SVOP: variants seen among roughly 807,000 people sequenced by gnomAD.
SVOP encodes SV2 related protein.
SVOP carries 17 observed loss-of-function variants against 69.1 expected under a neutral mutation model. The ratio of observed to expected loss-of-function variants is 0.25; its 90% CI spans 0.17 to 0.37. The LOEUF (loss-of-function observed/expected upper bound fraction) is 0.37, where lower values mean the gene tolerates loss of function less well. Among genes scored for constraint, SVOP ranks in the 10% least tolerant of loss-of-function variants. The pLI is 1.00. For missense variants in SVOP, 435 were observed against 597.5 expected (o/e 0.73, Z 2.84); for synonymous variants, 238 against 238.6 (o/e 1.00, Z 0.02).
chr12:108,973,445 G>A (rs751697575), intron 4 of SVOP, among the ~76,000 whole-genome samples: 6 of 152,188 alleles, frequency 3.9e-5, no homozygotes, highest in Non-Finnish European at 8.8e-5. Flanking sequence ...AGGCTGGAGT[G>A]CAGTGGTATG....
intron 14 of SVOP, among the ~76,000 whole-genome samples, chr12:108,917,154 A>G (rs1171992597): frequency 6.6e-6 from 1 of 152,242 alleles, no homozygotes; most frequent in Non-Finnish European, 1.5e-5. Flanking sequence ...CTCAGTGTAG[A>G]AAGCTTGCAA....
At chr12:108,989,860 T>C (rs2040189747) in intron 1 of SVOP, among the ~76,000 whole-genome samples, 2 of 152,226 alleles carry the variant, frequency 1.3e-5, no homozygotes. Flanking sequence ...CCTTGGATAA[T>C]AGCCCTCAAA....
rs766222899 is a variant in SVOP, at chr12:108,922,806, G to A, written c.1049-9C>T. 6.3e-7 allele frequency: 1 copy of A among 1,590,606 alleles called. No homozygotes were observed. The highest frequency in any genetic ancestry group is 8.6e-7 in the Non-Finnish European group (1 of 1,166,518). On this transcript the variant is annotated splice_polypyrimidine_tract_variant and intron_variant, in intron 11 of 15. Coordinates refer to ENST00000610966, the MANE Select transcript of SVOP (RefSeq NM_018711.5). ...CTTCTTCCGACTGGAGACTGGGGTT[G>A]GGAGAGAGAAAGAGAGGGGGAGACA...
intron 1 of SVOP, among the ~76,000 whole-genome samples, chr12:108,997,145 T>C (rs1377379804): frequency 4.0e-5 from 6 of 151,836 alleles, no homozygotes; most frequent in Non-Finnish European, 7.4e-5. Context: ...ATTGCCTCAC[T>C]TGGGAAGCGC....
intron 1 of SVOP, among the ~76,000 whole-genome samples, chr12:109,011,627 C>T (rs1593210077): frequency 6.6e-6 from 1 of 152,192 alleles, no homozygotes; most frequent in East Asian, 1.9e-4. Flanking sequence ...AAGAGTTTAC[C>T]TGGGACAATT....
chr12:108,938,698 C>G (rs145474045), intron 9 of SVOP, 129 bp downstream of exon 9: 1 of 1,467,724 alleles, frequency 6.8e-7, no homozygotes, highest in Non-Finnish European at 9.3e-7. Context: ...TCCATGTGCA[C>G]GCACACACCC....
intron 6 of SVOP, among the ~76,000 whole-genome samples, chr12:108,953,890 T>A (rs891024868): frequency 6.3e-4 from 96 of 152,130 alleles, no homozygotes; most frequent in Non-Finnish European, 8.8e-5. Flanking sequence ...GGCAGGCGAA[T>A]CGCTTGAGGT....
At chr12:108,962,012 G>A (rs189460378) in intron 5 of SVOP, among the ~76,000 whole-genome samples, 3 of 152,238 alleles carry the variant, frequency 2.0e-5, no homozygotes, top group African/African-American at 7.2e-5. Flanking sequence ...AGTTTCCTGT[G>A]CGGGCAAACT....
chr12:108,947,872 T>C (rs2039933942), intron 6 of SVOP, among the ~76,000 whole-genome samples: 1 of 152,026 alleles, frequency 6.6e-6, no homozygotes, highest in Non-Finnish European at 1.5e-5. Context: ...GGGAAGTTAA[T>C]TTCCTTTAAC....
rs1334075476 is a variant in SVOP at position 108,977,391 on chromosome 12, T to C, written c.381+7A>G. ...ATGCAACAGAAGGGAGCTGCTGGGCTGCCTACCGAGGTCAGCAATGCCACC... is the reference window on the plus strand; with the variant it reads ...ATGCAACAGAAGGGAGCTGCTGGGCCGCCTACCGAGGTCAGCAATGCCACC... On this transcript the variant is annotated splice_region_variant and intron_variant, in intron 4 of 15. Coordinates refer to ENST00000610966, the MANE Select transcript of SVOP (RefSeq NM_018711.5). The C allele has an allele frequency of 6.5e-7, 1 of 1,536,822 alleles. No individual in the cohort carries two copies. Among genetic ancestry groups the C allele is most frequent in the East Asian group, 2.4e-5 (1 of 40,928 alleles).
intron 11 of SVOP, among the ~76,000 whole-genome samples, chr12:108,932,143 G>C (rs2039824113): frequency 6.6e-6 from 1 of 152,022 alleles, no homozygotes; most frequent in African/African-American, 2.4e-5. Flanking sequence ...CTCCCAGCTA[G>C]TAGCTAGGAC....
At chr12:108,979,596 C>T (rs996753587) in intron 2 of SVOP, among the ~76,000 whole-genome samples, 2 of 152,086 alleles carry the variant, frequency 1.3e-5, no homozygotes, top group African/African-American at 4.8e-5. Context: ...AAGATGTGCA[C>T]ACTATATTGT....
At position 108,910,110 on chromosome 12, in the gene SVOP, C is replaced by T. The variant is rs1043152479; in HGVS notation, c.*2425G>A. 11 of 142,582 alleles carry T rather than the reference C, an allele frequency of 7.7e-5. No individual in the cohort carries two copies. Among genetic ancestry groups the T allele is most frequent in the African/African-American group, 3.1e-4 (11 of 35,490 alleles). 8.8% of individuals were successfully genotyped at this position (142,582 alleles called of 1,614,324 possible). On this transcript the variant is annotated 3_prime_UTR_variant, in exon 16 of 16. Transcript: ENST00000610966. Reference sequence around the variant, plus strand: ...GAGTAGCTGGGACTACAGGCACCCGCCACCACACCTGGCTAATTTTTTTTT... The same window carrying T: ...GAGTAGCTGGGACTACAGGCACCCGTCACCACACCTGGCTAATTTTTTTTT...
chr12:108,964,227 G>T (rs1375687952), intron 5 of SVOP, among the ~76,000 whole-genome samples: 2 of 151,842 alleles, frequency 1.3e-5, no homozygotes, highest in Non-Finnish European at 2.9e-5. Flanking sequence ...AAAGAAGAAA[G>T]ATATTAAGTA....
chr12:108,937,470 AC>A, intron 9 of SVOP, 133 bp from the exon 10 acceptor site: 1 of 857,936 alleles, frequency 1.2e-6, no homozygotes, highest in Non-Finnish European at 2.0e-6. Context: ...AGCTCTGAGA[AC>A]CCAGGTCTCA....
intron 11 of SVOP, among the ~76,000 whole-genome samples, chr12:108,933,764 C>T (rs1291843259): frequency 6.6e-6 from 1 of 152,062 alleles, no homozygotes; most frequent in Admixed American, 6.6e-5. Flanking sequence ...TGTGAAGGGG[C>T]CTAGTTTACC....
At chr12:108,977,326 G>A (rs1593197366) in intron 4 of SVOP, 72 bp downstream of exon 4, 2 of 1,491,062 alleles carry the variant, frequency 1.3e-6, no homozygotes, top group African/African-American at 1.4e-5. Flanking sequence ...AGCAGGAGAA[G>A]GGAGATATCC....
intron 12 of SVOP, among the ~76,000 whole-genome samples, chr12:108,921,805 T>A (rs2039749773): frequency 6.6e-6 from 1 of 152,188 alleles, no homozygotes; most frequent in Non-Finnish European, 1.5e-5. Flanking sequence ...ATGTCACCAC[T>A]CTGAGCCTCA....
chr12:108,979,279 G>A (rs1420978036), intron 2 of SVOP, among the ~76,000 whole-genome samples: 1 of 152,090 alleles, frequency 6.6e-6, no homozygotes, highest in Non-Finnish European at 1.5e-5. Flanking sequence ...TCGCTCTGTT[G>A]CCCAGGCTGG....
Sources: gnomAD v4.1 joint callset for allele counts (sites outside exome capture counted in the v4.1 genomes callset) on GRCh38, gnomAD v4.1.1 for gene constraint, MANE v1.5 for transcripts, NCBI Gene and HGNC (gene_info 2026-07-23, HGNC 2026-07-21) for gene names.